MIS18A: variants seen among roughly 807,000 people sequenced by gnomAD.
The protein encoded by MIS18A is MIS18 kinetochore protein A.
Under a neutral mutation model 25.0 loss-of-function variants are expected in MIS18A, and 14 were observed. The observed-to-expected ratio is 0.56, with a 90% CI of 0.37 to 0.88. MIS18A has a LOEUF of 0.88. Ranked by LOEUF, MIS18A falls within the 40% of genes least tolerant of loss-of-function variation. The probability of loss-of-function intolerance (pLI) is 0.00; values close to 1 mark genes in which losing one functional copy is unlikely to be tolerated. For synonymous variants in MIS18A, 134 were observed against 118.6 expected, an observed-to-expected ratio of 1.13 and a Z score of -0.84; for missense variants, 292 against 290.8, an observed-to-expected ratio of 1.00 and a Z score of -0.03.
chr21:32,169,362 C>A, the MIS18A span, among the ~76,000 whole-genome samples: 1 of 152,158 alleles, frequency 6.6e-6, no homozygotes, highest in African/African-American at 2.4e-5. Flanking sequence ...TGACTCAGAG[C>A]TCACTCAGTG....
intron 2 of MIS18A, 122 bp downstream of exon 2, chr21:32,274,708 C>T: frequency 1.3e-6 from 1 of 756,642 alleles, no homozygotes; most frequent in Non-Finnish European, 2.2e-6. Flanking sequence ...ATGCGAACGA[C>T]TGATTTTTTT....
chr21:32,273,628 C>T (rs907378726), intron 2 of MIS18A, among the ~76,000 whole-genome samples: 2 of 152,126 alleles, frequency 1.3e-5, no homozygotes, highest in African/African-American at 2.4e-5. Context: ...TTTCTGTCCC[C>T]TACCACATGT....
At chr21:32,266,620 C>T (rs564285200), downstream of MIS18A, among the ~76,000 whole-genome samples, 7 of 151,934 alleles carry the variant, frequency 4.6e-5, no homozygotes, top group South Asian at 2.1e-4. Context: ...TAACACTCAC[C>T]GCGAAGGTCT....
downstream of MIS18A, among the ~76,000 whole-genome samples, chr21:32,267,642 C>G (rs529799841): frequency 6.6e-6 from 1 of 152,294 alleles, no homozygotes; most frequent in Middle Eastern, 3.4e-3. Flanking sequence ...CTGGAGTACT[C>G]TGTAACCTGC....
chr21:32,181,402 C>T, the MIS18A span, among the ~76,000 whole-genome samples: 1 of 152,140 alleles, frequency 6.6e-6, no homozygotes, highest in Non-Finnish European at 1.5e-5. Flanking sequence ...CAGATATAGA[C>T]ATTAATATGC....
downstream of MIS18A, among the ~76,000 whole-genome samples, chr21:32,267,069 G>T (rs2031620282): frequency 6.6e-6 from 1 of 152,218 alleles, no homozygotes; most frequent in Non-Finnish European, 1.5e-5. Flanking sequence ...CCAGGACAGG[G>T]TGGCCCACAA....
chr21:32,157,235 TTTTTTG>T, the MIS18A span, among the ~76,000 whole-genome samples: 1 of 56,912 alleles, frequency 1.8e-5, no homozygotes, highest in Admixed American at 2.2e-4. Context: ...TTTTTTTTTT[TTTTTTG>T]GTAGTTTTAG....
the MIS18A span, among the ~76,000 whole-genome samples, chr21:32,177,137 C>T: frequency 6.6e-6 from 1 of 152,004 alleles, no homozygotes; most frequent in African/African-American, 2.4e-5. Context: ...TCCAGATAGA[C>T]GATGCCTGTT....
At chr21:32,235,835 A>C in the MIS18A span, among the ~76,000 whole-genome samples, 1 of 152,070 alleles carries the variant, frequency 6.6e-6, no homozygotes, top group Non-Finnish European at 1.5e-5. Context: ...TGCAGGATAA[A>C]ATGGGAAAAG....
chr21:32,181,153 T>C, the MIS18A span, among the ~76,000 whole-genome samples: 1 of 152,130 alleles, frequency 6.6e-6, no homozygotes, highest in Non-Finnish European at 1.5e-5. Flanking sequence ...CAGAGAAAGG[T>C]TGAATTAATT....
the MIS18A span, among the ~76,000 whole-genome samples, chr21:32,203,562 T>A: frequency 6.8e-6 from 1 of 146,914 alleles, no homozygotes; most frequent in African/African-American, 2.5e-5. Flanking sequence ...CACCTAGCAA[T>A]CTATATCTAG....
the MIS18A span, among the ~76,000 whole-genome samples, chr21:32,253,085 C>T: frequency 6.6e-6 from 1 of 152,186 alleles, no homozygotes; most frequent in African/African-American, 2.4e-5. Context: ...GGGACTTCTC[C>T]ACCTGGGCGA....
the MIS18A span, among the ~76,000 whole-genome samples, chr21:32,246,357 G>A: frequency 5.7e-4 from 87 of 152,134 alleles, 1 homozygote; most frequent in African/African-American, 2.0e-3. Flanking sequence ...GACTGCACAC[G>A]CCCTTCGGTA....
chr21:32,192,137 C>T, the MIS18A span, among the ~76,000 whole-genome samples: 1 of 152,184 alleles, frequency 6.6e-6, no homozygotes, highest in Non-Finnish European at 1.5e-5. Context: ...TTTCTGGACT[C>T]AGTAGACTCC....
the MIS18A span, among the ~76,000 whole-genome samples, chr21:32,187,359 T>G: frequency 6.6e-6 from 1 of 152,176 alleles, no homozygotes; most frequent in Non-Finnish European, 1.5e-5. Flanking sequence ...GGCAGACTGA[T>G]TGTGGATGAT....
the MIS18A span, among the ~76,000 whole-genome samples, chr21:32,209,881 T>C: frequency 6.6e-6 from 1 of 152,350 alleles, no homozygotes; most frequent in East Asian, 1.9e-4. Context: ...TCCGCAACCC[T>C]GTGGAACTGT....
At chr21:32,193,885 A>G in the MIS18A span, among the ~76,000 whole-genome samples, 1 of 152,210 alleles carries the variant, frequency 6.6e-6, no homozygotes, top group Non-Finnish European at 1.5e-5. Context: ...TGGTATTTGC[A>G]GTCTGCTCAT....
chr21:32,181,662 G>C, the MIS18A span, among the ~76,000 whole-genome samples: 1 of 152,120 alleles, frequency 6.6e-6, no homozygotes, highest in Non-Finnish European at 1.5e-5. Flanking sequence ...TGGAGCCAAA[G>C]GGTAGAGAGA....
At chr21:32,276,460 CAAAAAAA>C (rs558102501) in intron 1 of MIS18A, among the ~76,000 whole-genome samples, 27 of 72,728 alleles carry the variant, frequency 3.7e-4, no homozygotes, top group Non-Finnish European at 5.7e-4. Flanking sequence ...GACTCTGTCT[CAAAAAAA>C]AAAAAAAAAA....
Sources: gnomAD v4.1 joint callset for allele counts (sites outside exome capture counted in the v4.1 genomes callset) on GRCh38, gnomAD v4.1.1 for gene constraint, MANE v1.5 for transcripts, NCBI Gene and HGNC (gene_info 2026-07-23, HGNC 2026-07-21) for gene names.